The following BEND7 variants were observed in gnomAD, a reference collection of about 807,000 sequenced individuals.
The protein encoded by BEND7 is BEN domain-containing protein 7.
In BEND7, 28 loss-of-function variants were observed where a neutral mutation model predicts 50.9. That is an observed-to-expected ratio of 0.55 (90% CI 0.41 to 0.75). The LOEUF is 0.75. Among genes scored for constraint, BEND7 ranks in the 30% least tolerant of loss-of-function variants. BEND7 has a pLI of 0.00. For missense variants in BEND7, 477 were observed against 491.3 expected (o/e 0.97, Z 0.28); for synonymous variants, 170 against 183.9 (o/e 0.92, Z 0.61).
At chr10:13,439,944 C>T (rs1216203989), downstream of BEND7, among the ~76,000 whole-genome samples, 5 of 152,190 alleles carry the variant, frequency 3.3e-5, no homozygotes, top group Non-Finnish European at 5.9e-5. Context: ...TCTTTTATCC[C>T]GAAACCAGTC....
chr10:13,472,807 C>A (rs2075012362), intron 6 of BEND7, among the ~76,000 whole-genome samples: 1 of 150,292 alleles, frequency 6.7e-6, no homozygotes, highest in South Asian at 2.1e-4. Context: ...GGGGTTGATA[C>A]TCGTCATCGC....
chr10:13,523,733 C>T (rs1175355875), intron 2 of BEND7, among the ~76,000 whole-genome samples: 1 of 152,196 alleles, frequency 6.6e-6, no homozygotes, highest in Non-Finnish European at 1.5e-5. Context: ...AACTATAACA[C>T]TGTCAACAAA....
intron 2 of BEND7, chr10:13,500,862 C>A: frequency 1.0e-6 from 1 of 985,144 alleles, no homozygotes; most frequent in Non-Finnish European, 1.2e-6. Flanking sequence ...AACCTCCCCA[C>A]CGTGCCCTCC....
At chr10:13,458,072 T>C (rs899575529) in intron 6 of BEND7, among the ~76,000 whole-genome samples, 1 of 152,252 alleles carries the variant, frequency 6.6e-6, no homozygotes, top group African/African-American at 2.4e-5. Flanking sequence ...TAGTATAATT[T>C]GAGTTCCAAG....
intron 2 of BEND7, among the ~76,000 whole-genome samples, chr10:13,502,049 ATATATAAGGATATG>A (rs2077511723): frequency 7.2e-6 from 1 of 137,940 alleles, no homozygotes; most frequent in Non-Finnish European, 1.6e-5. Flanking sequence ...CAATATATGT[ATATATAAGGATATG>A]TATATATATA....
At chr10:13,474,287 C>T (rs1160831287) in intron 6 of BEND7, among the ~76,000 whole-genome samples, 1 of 151,856 alleles carries the variant, frequency 6.6e-6, no homozygotes, top group Non-Finnish European at 1.5e-5. Context: ...TGATACCCGT[C>T]ATCGCTGTTA....
Position 13,462,468 on chromosome 10 carries a change from G to C in BEND7, c.1064-9810C>G, listed in dbSNP as rs189445709. Among the ~76,000 whole-genome samples, 4 of 152,316 alleles carry C rather than the reference G, an allele frequency of 2.6e-5. No homozygotes were observed. The East Asian group carries it at 7.7e-4, about 29-fold the overall frequency. Reference sequence around the variant, plus strand: ...AGTTATTTCCACCTGGCCTGCCCTTGATATGTGGGGATTATTATAATTCAA... The same window carrying C: ...AGTTATTTCCACCTGGCCTGCCCTTCATATGTGGGGATTATTATAATTCAA... On this transcript the variant is annotated intron_variant, in intron 6 of 8. Coordinates refer to ENST00000466271, the MANE Select transcript of BEND7 (RefSeq NM_001369863.1).
chr10:13,448,573 C>A (rs947013638), intron 7 of BEND7, among the ~76,000 whole-genome samples: 4 of 152,216 alleles, frequency 2.6e-5, no homozygotes, highest in African/African-American at 4.8e-5. Context: ...CATCCTCCAA[C>A]ATCTTGTCCT....
At chr10:13,485,141 G>T (rs1021270669) in intron 5 of BEND7, among the ~76,000 whole-genome samples, 4 of 151,950 alleles carry the variant, frequency 2.6e-5, no homozygotes, top group Non-Finnish European at 4.4e-5. Flanking sequence ...AGCACATCAC[G>T]TGACTCCCCT....
intron 2 of BEND7, among the ~76,000 whole-genome samples, chr10:13,515,181 T>C (rs945133605): frequency 2.0e-5 from 3 of 152,226 alleles, no homozygotes; most frequent in African/African-American, 7.2e-5. Context: ...CTGCATTACA[T>C]TTCAGCTCAA....
intron 7 of BEND7, among the ~76,000 whole-genome samples, chr10:13,451,402 T>C (rs1378373785): frequency 6.6e-6 from 1 of 151,610 alleles, no homozygotes; most frequent in African/African-American, 2.4e-5. Context: ...TGTGTGTTTG[T>C]GTGTGTGTAG....
intron 6 of BEND7, among the ~76,000 whole-genome samples, chr10:13,457,913 T>C (rs1839342579): frequency 1.3e-5 from 2 of 152,256 alleles, no homozygotes; most frequent in African/African-American, 4.8e-5. Flanking sequence ...GAGAATGCAA[T>C]AGGTTCTAAA....
At chr10:13,480,063 G>C (rs1053564419) in intron 6 of BEND7, among the ~76,000 whole-genome samples, 3 of 152,160 alleles carry the variant, frequency 2.0e-5, no homozygotes, top group African/African-American at 4.8e-5. Flanking sequence ...TTTTAAGCAA[G>C]GCCTGATTCA....
intron 2 of BEND7, among the ~76,000 whole-genome samples, chr10:13,520,178 T>G (rs1327757258): frequency 6.6e-6 from 1 of 152,052 alleles, no homozygotes; most frequent in African/African-American, 2.4e-5. Context: ...CCCATTTTTC[T>G]CATATAAAAG....
At chr10:13,448,368 C>T (rs778997461) in intron 7 of BEND7, among the ~76,000 whole-genome samples, 2 of 152,154 alleles carry the variant, frequency 1.3e-5, no homozygotes, top group Non-Finnish European at 2.9e-5. Context: ...TCCCCACAGG[C>T]AGGCCCCTGC....
intron 5 of BEND7, among the ~76,000 whole-genome samples, chr10:13,491,644 G>T (rs1665487739): frequency 6.7e-6 from 1 of 149,492 alleles, no homozygotes; most frequent in Non-Finnish European, 1.5e-5. Flanking sequence ...AAAGTCACAA[G>T]ATGATGATTT....
chr10:13,527,589 G>A (rs1009495463), intron 1 of BEND7, among the ~76,000 whole-genome samples: 1 of 152,138 alleles, frequency 6.6e-6, no homozygotes, highest in East Asian at 1.9e-4. Flanking sequence ...ATTAAAAGAC[G>A]ACATTTAAAC....
Position 13,481,120 on chromosome 10 carries a change from T to A in BEND7, c.842A>T (p.Glu281Val). The A allele has an allele frequency of 6.2e-7, 1 of 1,613,514 alleles. No homozygotes were observed. The highest frequency in any genetic ancestry group is 8.5e-7 in the Non-Finnish European group (1 of 1,179,606). Reference sequence around the variant, plus strand: ...GTCAAAGCCTTCAGCAAGTTGTACTTCTGGCTACCAAAAGAACACAGATAT... The same window carrying A: ...GTCAAAGCCTTCAGCAAGTTGTACTACTGGCTACCAAAAGAACACAGATAT... ...IVLESPSSDP[E>V]VQLAEGFDVF... The change falls in exon 6 of 9, where the codon GAA becomes GTA. Residue 281 changes from glutamate to valine, a missense_variant. Glu to Val is a moderately radical substitution (Grantham distance 121, BLOSUM62 -2). Around this residue, in one of 3 missense-constraint regions of BEND7, gnomAD observed 396 missense variants for 384.2 expected, o/e 1.03. Transcript: ENST00000466271.
intron 2 of BEND7, among the ~76,000 whole-genome samples, chr10:13,514,957 T>G (rs892374916): frequency 2.0e-5 from 3 of 152,224 alleles, no homozygotes; most frequent in Non-Finnish European, 2.9e-5. Flanking sequence ...GCAAGCAACT[T>G]CATAGTCTAT....
Sources: allele counts gnomAD v4.1 joint callset (sites outside exome capture counted in the v4.1 genomes callset), GRCh38; gene constraint gnomAD v4.1.1; regional missense constraint gnomAD v4.1.1; transcripts MANE v1.5; gene names NCBI Gene and HGNC (gene_info 2026-07-23, HGNC 2026-07-21).